The following DOK7 variants were observed in gnomAD, a reference collection of about 807,000 sequenced individuals.
The protein encoded by DOK7 is docking protein 7.
A neutral mutation model predicts 30.7 loss-of-function variants in DOK7; 32 were observed. The ratio of observed to expected loss-of-function variants is 1.04; its 90% confidence interval spans 0.79 to 1.40. The LOEUF (loss-of-function observed/expected upper bound fraction) is 1.40, where lower values mean the gene tolerates loss of function less well. Ranked by LOEUF, DOK7 falls within the 40% of genes most tolerant of loss-of-function variation. The pLI is 0.00. For synonymous variants in DOK7, 447 were observed against 324.1 expected (o/e 1.38, Z -4.07); for missense variants, 1,007 against 699.2 (o/e 1.44, Z -4.97).
At chr4:3,473,264 T>G in intron 2 of DOK7, 142 bp from the exon 3 acceptor site, 2 of 733,856 alleles carry the variant, frequency 2.7e-6, no homozygotes, top group Non-Finnish European at 4.6e-6. Context: ...ATGCCGGGAG[T>G]CGAAGCCTTG....
chr4:3,501,222 G>C, exon 8 of DOK7: 1 of 203,854 alleles, frequency 4.9e-6, no homozygotes, highest in Non-Finnish European at 9.9e-6. Context: ...ATGGATGACA[G>C]CCGTGTCCTG....
chr4:3,468,523 T>TATGA (rs1201780078), intron 2 of DOK7, among the ~76,000 whole-genome samples: 17 of 148,224 alleles, frequency 1.1e-4, no homozygotes, highest in African/African-American at 4.4e-4. Flanking sequence ...TGTATGAGTG[T>TATGA]GTGTGACTGT....
downstream of DOK7, among the ~76,000 whole-genome samples, chr4:3,498,386 C>T (rs1303448003): frequency 2.6e-5 from 4 of 152,120 alleles, no homozygotes; most frequent in Non-Finnish European, 5.9e-5. Context: ...CGTCCCCTTT[C>T]CCTGCAGTCA....
At chr4:3,488,879 T>C (rs1727983104) in intron 5 of DOK7, among the ~76,000 whole-genome samples, 2 of 151,848 alleles carry the variant, frequency 1.3e-5, no homozygotes, top group Admixed American at 1.3e-4. Context: ...CCCTGCTGTT[T>C]GGAGCAAGGT....
rs1240579533 is a variant in DOK7 at position 3,485,625 on chromosome 4, A to G, written c.619A>G (p.Lys207Glu). Reference protein sequence around the residue: ...DCIVRGISPTKGPFGLRPVLP... With the variant: ...DCIVRGISPTEGPFGLRPVLP... ...CATCGTCCGAGGCATCTCCCCCACC[A>G]AGGGCCCCTTTGGGCTGCGGCCGGT... Residue 207 changes from lysine to glutamate, a missense_variant, in exon 5 of 7, where the codon AAG (lysine) becomes GAG (glutamate). Lys to Glu is a moderately conservative substitution (Grantham distance 56). Coordinates refer to ENST00000340083, the MANE Select transcript of DOK7 (RefSeq NM_173660.5). The G allele has an allele frequency of 3.7e-6, 6 of 1,605,048 alleles. No individual in the cohort carries two copies. The highest frequency in any genetic ancestry group is 4.3e-6 in the Non-Finnish European group (5 of 1,175,574).
chr4:3,463,800 G>A (rs1012149416), intron 2 of DOK7, among the ~76,000 whole-genome samples: 5 of 152,182 alleles, frequency 3.3e-5, no homozygotes, highest in East Asian at 3.9e-4. Flanking sequence ...GTAGGCGGAG[G>A]GGACGCAGGC....
At chr4:3,476,254 C>T in intron 3 of DOK7, 88 bp from the exon 4 acceptor site, 1 of 918,712 alleles carries the variant, frequency 1.1e-6, no homozygotes, top group South Asian at 1.7e-5. Flanking sequence ...CTCACCCCAC[C>T]CGCCCGTGAT....
intron 4 of DOK7, chr4:3,485,257 ACT>A: frequency 2.7e-6 from 1 of 368,204 alleles, no homozygotes; most frequent in South Asian, 9.0e-5. Context: ...GCGGGGCAGC[ACT>A]CACCCCAGCG....
rs1467872623 is a variant in DOK7 at position 3,491,061 on chromosome 4, G to GCTCATTCA, written c.772+1265_772+1266insCTCATTCA. ...CCCATTCCTTCCTTTCTTTTCCCCC[G>GCTCATTCA]GCTCATTCCTTCCTTCTCCCCACTC... is the stretch of plus-strand genomic sequence containing the variant. On this transcript the variant is annotated intron_variant, in intron 6 of 6. Coordinates refer to ENST00000340083, the MANE Select transcript of DOK7 (RefSeq NM_173660.5). Among the ~76,000 whole-genome samples the GCTCATTCA allele has an allele frequency of 3.4e-3, 258 of 75,738 alleles. 3 individuals are homozygous for GCTCATTCA. The Middle Eastern group carries it at 0.048, about 14-fold the overall frequency. The allele number at this position is 75,738 out of a possible 152,430, so 49.7% of individuals were successfully genotyped here. A position where few individuals can be genotyped will look rare whatever the true frequency, so the allele number is the denominator to read the frequency against.
downstream of DOK7, chr4:3,496,851 C>G: frequency 1.3e-6 from 2 of 1,535,264 alleles, no homozygotes; most frequent in South Asian, 2.4e-5. Flanking sequence ...GGACCTGCGA[C>G]AGCACATTCA....
At chr4:3,467,585 A>G (rs893876784) in intron 2 of DOK7, among the ~76,000 whole-genome samples, 1 of 151,592 alleles carries the variant, frequency 6.6e-6, no homozygotes, top group Non-Finnish European at 1.5e-5. Context: ...GTGAGGATGT[A>G]CATGTGCACC....
At chr4:3,485,464 T>C in intron 4 of DOK7, 75 bp from the exon 5 acceptor site, 2 of 1,410,736 alleles carry the variant, frequency 1.4e-6, no homozygotes, top group South Asian at 1.7e-5. Context: ...TGCTGCGGTT[T>C]CCTGTGTTCC....
At chr4:3,468,794 ATGTCTG>A (rs1358697675) in intron 2 of DOK7, among the ~76,000 whole-genome samples, 226 of 131,480 alleles carry the variant, frequency 1.7e-3, no homozygotes, top group African/African-American at 6.5e-3. Context: ...GTGATCATGT[ATGTCTG>A]TGTGTGCCTG....
chr4:3,497,304 A>G (rs571103652), downstream of DOK7, among the ~76,000 whole-genome samples: 81 of 152,082 alleles, frequency 5.3e-4, no homozygotes, highest in Non-Finnish European at 9.6e-4. Context: ...CTGTGTCCTC[A>G]GACAGCGGTG....
At chr4:3,474,640 A>G (rs1334361994) in intron 3 of DOK7, among the ~76,000 whole-genome samples, 1 of 152,192 alleles carries the variant, frequency 6.6e-6, no homozygotes, top group African/African-American at 2.4e-5. Flanking sequence ...TGGCCAACAT[A>G]GCGAAGCCCC....
intron 2 of DOK7, 87 bp from the exon 3 acceptor site, chr4:3,473,319 C>G (rs1726871671): frequency 3.7e-6 from 5 of 1,364,784 alleles, no homozygotes; most frequent in Non-Finnish European, 5.1e-6. Flanking sequence ...CAGCCCGGGT[C>G]TCTGCACTGT....
intron 4 of DOK7, 146 bp from the exon 5 acceptor site, chr4:3,485,393 G>A (rs1727705935): frequency 5.3e-6 from 6 of 1,129,334 alleles, no homozygotes; most frequent in Non-Finnish European, 7.1e-6. Context: ...CGGGGTGTCG[G>A]CTCTGGGCAT....
intron 2 of DOK7, among the ~76,000 whole-genome samples, chr4:3,472,462 C>T (rs1318050434): frequency 6.6e-6 from 1 of 152,252 alleles, no homozygotes; most frequent in Non-Finnish European, 1.5e-5. Flanking sequence ...TGGAGCCCAG[C>T]TGCCGGGGCC....
chr4:3,496,818 A>AG, downstream of DOK7: 1 of 1,533,522 alleles, frequency 6.5e-7, no homozygotes, highest in African/African-American at 1.4e-5. Flanking sequence ...TCTTTGGTCT[A>AG]GGGAGCGGCA....
Sources: gnomAD v4.1 joint callset for allele counts (sites outside exome capture counted in the v4.1 genomes callset) on GRCh38, gnomAD v4.1.1 for gene constraint, MANE v1.5 for transcripts, NCBI Gene and HGNC (gene_info 2026-07-23, HGNC 2026-07-21) for gene names.